The following ADCY3 variants were observed in gnomAD, a reference collection of about 807,000 sequenced individuals.
ADCY3 encodes the protein adenylate cyclase type 3.
A neutral mutation model predicts 119.4 loss-of-function variants in ADCY3; 70 were observed. The ratio of observed to expected loss-of-function variants is 0.59; its 90% CI spans 0.48 to 0.72. The LOEUF (loss-of-function observed/expected upper bound fraction) is 0.72. Among genes scored for constraint, ADCY3 ranks in the 30% least tolerant of loss-of-function variants. The pLI is 0.00. For missense variants in ADCY3, 1,238 were observed against 1,541.6 expected, an observed-to-expected ratio of 0.80 and a Z score of 3.30; for synonymous variants, 672 against 621.4, an observed-to-expected ratio of 1.08 and a Z score of -1.21.
rs1664687835 is a variant in ADCY3, at chr2:24,918,180, G to C, written c.675+133C>G. The C allele has an allele frequency of 1.0e-6, 1 of 957,736 alleles. No individual in the cohort carries two copies. Among genetic ancestry groups the C allele is most frequent in the Admixed American group, 2.4e-5 (1 of 41,976 alleles). The allele number at this position is 957,736 out of a possible 1,614,324, so 59.3% of individuals were successfully genotyped here. ...GGGGTGAAAAGGCAGGGACTAGGGA[G>C]AGAGGTGAGAGCCCCGGAGGCCCCC... On this transcript the variant is annotated intron_variant, in intron 2 of 21. Coordinates refer to ENST00000679454, the MANE Select transcript of ADCY3 (RefSeq NM_004036.5). The surrounding 1 kb of genome is among the most constrained non-coding windows in gnomAD (Gnocchi z 5.4).
rs1055132021 is a variant in ADCY3 at position 24,841,290 on chromosome 2, G to A, written c.1165C>T (p.Leu389Phe). The A allele has an allele frequency of 3.2e-6, 5 of 1,570,986 alleles. No homozygotes were observed. Among genetic ancestry groups the A allele is most frequent in the Non-Finnish European group, 3.5e-6 (4 of 1,158,460 alleles). Residue 389 changes from leucine to phenylalanine, a missense_variant, in exon 6 of 22, where the codon CTC (leucine) becomes TTC (phenylalanine). Transcript: ENST00000679454. This position sits in a 1 kb window ranked among gnomAD's most constrained non-coding sequence, Gnocchi z 5.8. ...YREDHAVCSI[L>F]MGLAMVEAIS... ...GCCTCCACCATGGCCAGCCCCATGA[G>A]GATGGAGCAGACGGCGTGGTCCTCC...
rs1572849012 is a variant in ADCY3 at position 24,838,391 on chromosome 2, C to G, written c.1533+54G>C. The G allele has an allele frequency of 9.6e-6, 14 of 1,461,266 alleles. No homozygotes were observed. The African/African-American group carries it at 1.3e-4, about 13-fold the overall frequency. 90.5% of individuals were successfully genotyped at this position (1,461,266 alleles called of 1,614,324 possible). ...TTCCTTAATCTCCTCCTTTCCAACC[C>G]CCTAATCCAGGGGTGGGGTGGGTGG... On this transcript the variant is annotated intron_variant, in intron 8 of 21. Coordinates refer to ENST00000679454, the MANE Select transcript of ADCY3 (RefSeq NM_004036.5).
intron 15 of ADCY3, 161 bp from the exon 16 acceptor site, chr2:24,826,287 A>C: frequency 1.6e-6 from 1 of 632,064 alleles, no homozygotes; most frequent in Non-Finnish European, 2.8e-6. Context: ...CCCGGGCAGT[A>C]AAATTTTCTT....
chr2:24,823,022 C>T lies in ADCY3; in HGVS notation c.2883+187G>A, dbSNP rs370667504. Among the ~76,000 whole-genome samples the T allele has an allele frequency of 3.2e-4, 48 of 152,272 alleles. No homozygotes were observed. The South Asian group carries it at 7.5e-3, about 24-fold the overall frequency. On this transcript the variant is annotated intron_variant, in intron 18 of 21. Coordinates refer to ENST00000679454, the MANE Select transcript of ADCY3 (RefSeq NM_004036.5). ...TCCTGTGACCCTGTGGGTGATTTCC[C>T]GGGCTCCCACCTCACCTCCCCTTCC... is the stretch of plus-strand genomic sequence containing the variant.
chr2:24,843,194 G>C (rs1558441351), intron 3 of ADCY3, among the ~76,000 whole-genome samples: 1 of 152,216 alleles, frequency 6.6e-6, no homozygotes, highest in Non-Finnish European at 1.5e-5. Flanking sequence ...GTTTAGATCA[G>C]GGTCAGCAAA....
At chr2:24,823,152 T>C (rs1269492124) in intron 18 of ADCY3, 57 bp downstream of exon 18, 1 of 1,568,654 alleles carries the variant, frequency 6.4e-7, no homozygotes, top group Non-Finnish European at 8.6e-7. Flanking sequence ...TATTGTAGGA[T>C]GTGATGTGGA....
At chr2:24,879,551 T>C (rs1676140681) in intron 2 of ADCY3, among the ~76,000 whole-genome samples, 1 of 151,974 alleles carries the variant, frequency 6.6e-6, no homozygotes, top group African/African-American at 2.4e-5. Flanking sequence ...TTTGCTTCCA[T>C]TGAAGGCAAA....
rs116783191 is a variant in ADCY3, at chr2:24,887,428, G to A, written c.676-14709C>T. On this transcript the variant is annotated intron_variant, in intron 2 of 21. Coordinates refer to ENST00000679454, the MANE Select transcript of ADCY3 (RefSeq NM_004036.5). ...GCGAGCTCCACGGCTCCTTTCCCTC[G>A]GAGACCAGGCCAGCCACTGCACCTG... Among the ~76,000 whole-genome samples, 1,202 of 152,188 alleles carry A rather than the reference G, an allele frequency of 7.9e-3. 17 individuals carry two copies. Among genetic ancestry groups the A allele is most frequent in the African/African-American group, 0.027 (1,123 of 41,518 alleles).
intron 2 of ADCY3, among the ~76,000 whole-genome samples, chr2:24,887,775 C>T (rs1200807387): frequency 6.6e-6 from 1 of 152,158 alleles, no homozygotes; most frequent in Non-Finnish European, 1.5e-5. Flanking sequence ...ACTTTAAACT[C>T]GCTGCCTCCC....
At chr2:24,910,877 C>T (rs1203293287) in intron 2 of ADCY3, among the ~76,000 whole-genome samples, 2 of 152,100 alleles carry the variant, frequency 1.3e-5, no homozygotes, top group Non-Finnish European at 2.9e-5. Flanking sequence ...GATCTCCTGA[C>T]CTCGTGATCC....
rs1675168598 is a variant in ADCY3, at chr2:24,872,659, T to C, written c.736A>G (p.Met246Val). Residue 246 changes from methionine (M) to valine (V), a missense_variant, in exon 3 of 22, where the codon ATG becomes GTG. Met to Val is a conservative substitution (Grantham distance 21). This residue lies in a region of ADCY3 where 283 missense variants were observed against 437.2 expected (regional missense o/e 0.65). Coordinates refer to ENST00000679454, the MANE Select transcript of ADCY3 (RefSeq NM_004036.5). The surrounding 1 kb of genome is among the most constrained non-coding windows in gnomAD (Gnocchi z 4.4). ...GCCTTGCGGTGCTTGCGGTCAGCCA[T>C]GTAGTAGGACATGATGCCCACAGCG... ...AIAVGIMSYYMADRKHRKAFL... is the reference protein window; with the variant it reads ...AIAVGIMSYYVADRKHRKAFL... 2.5e-6 allele frequency: 4 copies of C among 1,614,100 alleles called. No individual in the cohort carries two copies. The highest frequency in any genetic ancestry group is 3.4e-6 in the Non-Finnish European group (4 of 1,180,016).
At chr2:24,831,411 C>T (rs189996697) in intron 12 of ADCY3, among the ~76,000 whole-genome samples, 57 of 152,338 alleles carry the variant, frequency 3.7e-4, no homozygotes, top group South Asian at 2.5e-3. Context: ...CGTGCTGCAG[C>T]GCCACGGCCC....
At chr2:24,843,881 C>A (rs1671354362) in intron 3 of ADCY3, among the ~76,000 whole-genome samples, 1 of 152,180 alleles carries the variant, frequency 6.6e-6, no homozygotes, top group African/African-American at 2.4e-5. Context: ...GGACCAGAGG[C>A]TCAGCAGGGA....
Position 24,829,479 on chromosome 2 carries a change from T to TG in ADCY3, c.2172+1229dup, listed in dbSNP as rs571706852. 7.0e-3 allele frequency among the ~76,000 whole-genome samples: 912 copies of TG among 130,326 alleles called. 8 individuals carry two copies. Among genetic ancestry groups the TG allele is most frequent in the Non-Finnish European group, 9.7e-3 (619 of 64,144 alleles). 85.5% of individuals were successfully genotyped at this position (130,326 alleles called of 152,430 possible). On this transcript the variant is annotated intron_variant, in intron 13 of 21. Coordinates refer to ENST00000679454, the MANE Select transcript of ADCY3 (RefSeq NM_004036.5). ...ACTCTGTTGCCAGGCTGGAGTGCAG[T>TG]GCACAATCTCGGCTCACTGCAAGCT...
At chr2:24,860,212 G>T (rs555177530) in intron 3 of ADCY3, among the ~76,000 whole-genome samples, 36 of 152,332 alleles carry the variant, frequency 2.4e-4, no homozygotes, top group African/African-American at 8.4e-4. Context: ...GGTGCCGCCT[G>T]TTGCCAGGTG....
At chr2:24,837,935 A>C (rs764189280) in intron 8 of ADCY3, among the ~76,000 whole-genome samples, 3 of 151,924 alleles carry the variant, frequency 2.0e-5, no homozygotes, top group African/African-American at 7.3e-5. Flanking sequence ...TCTTCTTCCA[A>C]TGTGGCCCAG....
chr2:24,889,872 T>A (rs1677478912), intron 2 of ADCY3, among the ~76,000 whole-genome samples: 3 of 152,206 alleles, frequency 2.0e-5, no homozygotes, highest in African/African-American at 7.2e-5. Context: ...TGTTAAGAAT[T>A]TCCAGACTGC....
chr2:24,913,997 T>G (rs10203386), intron 2 of ADCY3, among the ~76,000 whole-genome samples: 2 of 150,034 alleles, frequency 1.3e-5, no homozygotes, highest in Non-Finnish European at 3.0e-5. Context: ...CCTTCCCCAT[T>G]GTCCGCACTC....
chr2:24,860,593 C>T (rs1209261770), intron 3 of ADCY3, among the ~76,000 whole-genome samples: 2 of 152,242 alleles, frequency 1.3e-5, no homozygotes, highest in African/African-American at 4.8e-5. Flanking sequence ...ATCTGAGACC[C>T]TTGCCATTAC....
Sources: gnomAD v4.1 joint callset for allele counts (sites outside exome capture counted in the v4.1 genomes callset) on GRCh38, gnomAD v4.1.1 for gene constraint, gnomAD v4.1.1 regional missense constraint, Gnocchi (gnomAD v3.1) non-coding constraint, MANE v1.5 for transcripts, NCBI Gene and HGNC (gene_info 2026-07-23, HGNC 2026-07-21) for gene names.